The following PID1 variants were observed in gnomAD, a reference collection of about 807,000 sequenced individuals.
PID1 encodes PTB-containing, cubilin and LRP1-interacting protein.
PID1 carries 10 observed loss-of-function variants against 19.1 expected under a neutral mutation model. That is an observed-to-expected ratio of 0.52 (90% CI 0.32 to 0.89). The LOEUF (loss-of-function observed/expected upper bound fraction) is 0.89. PID1 is among the 40% of genes least tolerant of loss of function. PID1 has a pLI of 0.03. For synonymous variants in PID1, 130 were observed against 116.0 expected (o/e 1.12, Z -0.78); for missense variants, 248 against 285.3 (o/e 0.87, Z 0.94).
At chr2:229,186,593 G>T (rs1691137880) in intron 1 of PID1, among the ~76,000 whole-genome samples, 1 of 152,188 alleles carries the variant, frequency 6.6e-6, no homozygotes, top group Admixed American at 6.5e-5. Flanking sequence ...CTAGGACACA[G>T]GGCACCAAGT....
chr2:229,045,684 A>G (rs1054978338), intron 2 of PID1, among the ~76,000 whole-genome samples: 1 of 152,236 alleles, frequency 6.6e-6, no homozygotes, highest in African/African-American at 2.4e-5. Context: ...GGTGGGAGTG[A>G]ATTGATGAGG....
rs1693362594 is a variant in PID1, at chr2:229,024,267, G to A, written c.*1365C>T. On this transcript the variant is annotated 3_prime_UTR_variant, in exon 3 of 3. Transcript: ENST00000392055. The stretch of plus-strand genomic sequence containing the variant: ...CATTTAAGGCTTCTTAGGTGCCGCA[G>A]TGCCCCTAATATTACCAGGATTGAA... 1 of 152,570 alleles carries A rather than the reference G, an allele frequency of 6.6e-6. No individual in the cohort carries two copies. Among genetic ancestry groups the A allele is most frequent in the African/African-American group, 2.4e-5 (1 of 41,446 alleles). 9.5% of individuals were successfully genotyped at this position (152,570 alleles called of 1,614,324 possible).
intron 1 of PID1, chr2:229,232,017 T>C: frequency 1.3e-6 from 2 of 1,550,112 alleles, no homozygotes; most frequent in Non-Finnish European, 1.7e-6. Context: ...GAATGCTGTG[T>C]CCTCACACAG....
chr2:229,271,057 GT>G lies in PID1; in HGVS notation c.-15del. The G allele has an allele frequency of 6.5e-7, 1 of 1,544,526 alleles. No individual in the cohort carries two copies. Among genetic ancestry groups the G allele is most frequent in the Non-Finnish European group, 8.7e-7 (1 of 1,144,652 alleles). On this transcript the variant is annotated 5_prime_UTR_variant, in exon 1 of 3. Transcript: ENST00000392055. ...CGGCTGCCACATCTTCCAGCCCTGG[GT>G]TTTGGCAGAGGAGACGCTGGCGAGA...
chr2:229,059,499 A>T (rs931089787), intron 2 of PID1, among the ~76,000 whole-genome samples: 1 of 152,240 alleles, frequency 6.6e-6, no homozygotes, highest in Admixed American at 6.5e-5. Flanking sequence ...GAAAAAACTC[A>T]GTATCAGAAA....
At chr2:229,265,450 C>T in intron 1 of PID1, among the ~76,000 whole-genome samples, 1 of 152,234 alleles carries the variant, frequency 6.6e-6, no homozygotes, top group East Asian at 1.9e-4. Flanking sequence ...GGTGAATACA[C>T]TGATGCTTTA....
chr2:229,170,508 A>T (rs1690689497), intron 1 of PID1, among the ~76,000 whole-genome samples: 1 of 152,206 alleles, frequency 6.6e-6, no homozygotes. Flanking sequence ...AATATAGACA[A>T]CCATTTAAAA....
Position 229,112,815 on chromosome 2 carries a change from C to A in PID1, c.177+43003G>T, listed in dbSNP as rs74327023. Among the ~76,000 whole-genome samples the A allele has an allele frequency of 1.4e-4, 22 of 152,204 alleles. No homozygotes were observed. In the South Asian group the frequency reaches 3.5e-3, roughly 24 times the overall value. On this transcript the variant is annotated intron_variant, in intron 2 of 2. Coordinates refer to ENST00000392055, the MANE Select transcript of PID1 (RefSeq NM_001100818.2). Reference sequence around the variant, plus strand: ...AACTTTTTTTAAGAAAAATGAGTCACTGTCTTTCTCTGAAAACCCTACACC... The same window carrying A: ...AACTTTTTTTAAGAAAAATGAGTCAATGTCTTTCTCTGAAAACCCTACACC...
chr2:229,112,511 A>G (rs189893737), intron 2 of PID1, among the ~76,000 whole-genome samples: 14 of 152,224 alleles, frequency 9.2e-5, no homozygotes, highest in African/African-American at 3.4e-4. Context: ...TTTGAGACAG[A>G]GTCTTGCTCT....
intron 2 of PID1, among the ~76,000 whole-genome samples, chr2:229,106,576 A>T (rs1003167172): frequency 6.6e-6 from 1 of 152,182 alleles, no homozygotes; most frequent in Admixed American, 6.5e-5. Flanking sequence ...CTCACAAAAG[A>T]AGCTTGAGGG....
intron 1 of PID1, among the ~76,000 whole-genome samples, chr2:229,199,720 T>TTATA (rs55942947): frequency 0.17 from 21,831 of 131,650 alleles, 1,758 homozygotes; most frequent in Middle Eastern, 0.2. Flanking sequence ...AATATCTAAT[T>TTATA]TATATATATA....
chr2:229,059,990 ATATTT>A (rs758957512), intron 2 of PID1, among the ~76,000 whole-genome samples: 2 of 152,060 alleles, frequency 1.3e-5, no homozygotes, highest in Non-Finnish European at 1.5e-5. Context: ...TTATGTATTT[ATATTT>A]TATTTTTAAT....
chr2:229,158,972 T>C (rs1690438943), intron 1 of PID1, among the ~76,000 whole-genome samples: 1 of 152,022 alleles, frequency 6.6e-6, no homozygotes, highest in African/African-American at 2.4e-5. Context: ...GGATGGTTAA[T>C]GGGTACAAAA....
chr2:229,073,582 T>C (rs77843496), intron 2 of PID1, among the ~76,000 whole-genome samples: 2,826 of 152,280 alleles, frequency 0.019, 36 homozygotes, highest in Non-Finnish European at 0.03. Flanking sequence ...CAAGTTAGGC[T>C]AGAGGAGTCC....
intron 1 of PID1, among the ~76,000 whole-genome samples, chr2:229,206,233 C>T (rs552393955): frequency 9.4e-5 from 14 of 149,644 alleles, no homozygotes; most frequent in African/African-American, 3.5e-4. Flanking sequence ...AAGGAAAAAA[C>T]AAACAAAACC....
intron 2 of PID1, among the ~76,000 whole-genome samples, chr2:229,118,701 A>G (rs187327345): frequency 6.6e-6 from 1 of 152,336 alleles, no homozygotes; most frequent in African/African-American, 2.4e-5. Context: ...ATGCTGATGT[A>G]TTGTTCTTGG....
chr2:229,070,668 T>C (rs942250170), intron 2 of PID1, among the ~76,000 whole-genome samples: 1 of 152,088 alleles, frequency 6.6e-6, no homozygotes, highest in Non-Finnish European at 1.5e-5. Flanking sequence ...ATTCACATAA[T>C]GAGGCCTTCT....
intron 2 of PID1, among the ~76,000 whole-genome samples, chr2:229,129,038 T>A (rs1032413798): frequency 8.5e-5 from 13 of 152,072 alleles, no homozygotes; most frequent in Middle Eastern, 3.2e-3. Context: ...CCCACAAAAA[T>A]TTAATAAATA....
chr2:229,068,727 G>A (rs147329503), intron 2 of PID1, among the ~76,000 whole-genome samples: 1,792 of 152,280 alleles, frequency 0.012, 45 homozygotes, highest in African/African-American at 0.04. Flanking sequence ...GACACAGGAA[G>A]CCGCCCGCAA....
Sources: gnomAD v4.1 joint callset for allele counts (sites outside exome capture counted in the v4.1 genomes callset) on GRCh38, gnomAD v4.1.1 for gene constraint, MANE v1.5 for transcripts, NCBI Gene and HGNC (gene_info 2026-07-23, HGNC 2026-07-21) for gene names.